The following KLHL1 variants were observed in gnomAD, a reference collection of about 807,000 sequenced individuals.
KLHL1 encodes the protein kelch like family member 1, also known as kelch-like protein 1.
Under a neutral mutation model 77.7 loss-of-function variants are expected in KLHL1, and 47 were observed. The observed-to-expected ratio is 0.60, with a 90% CI of 0.48 to 0.77. KLHL1 has a LOEUF of 0.77. Among genes scored for constraint, KLHL1 ranks in the 30% least tolerant of loss-of-function variants. The pLI is 0.00. For missense variants in KLHL1, 925 were observed against 910.8 expected (o/e 1.02, Z -0.20); for synonymous variants, 360 against 325.2 (o/e 1.11, Z -1.15).
At chr13:69,938,683 C>A (rs1883257430) in intron 4 of KLHL1, among the ~76,000 whole-genome samples, 1 of 151,974 alleles carries the variant, frequency 6.6e-6, no homozygotes, top group Non-Finnish European at 1.5e-5. Flanking sequence ...TATTTGTTTA[C>A]TTTGATTTGC....
intron 4 of KLHL1, among the ~76,000 whole-genome samples, chr13:69,899,065 G>A (rs76669614): frequency 0.011 from 1,636 of 150,830 alleles, 24 homozygotes; most frequent in African/African-American, 0.038. Flanking sequence ...TCTAGAGTTA[G>A]CTAGAAGAAA....
intron 1 of KLHL1, among the ~76,000 whole-genome samples, chr13:70,047,421 A>G (rs992357479): frequency 7.7e-6 from 1 of 129,926 alleles, no homozygotes; most frequent in African/African-American, 3.2e-5. Context: ...GTGTGTGTGT[A>G]TAAATATAAA....
chr13:70,038,748 G>C (rs1401855348), intron 1 of KLHL1, among the ~76,000 whole-genome samples: 2 of 151,610 alleles, frequency 1.3e-5, no homozygotes, highest in Non-Finnish European at 2.9e-5. Flanking sequence ...CCACCACCAT[G>C]CCTGGCTAAT....
At chr13:69,721,096 T>TATATATATATATATATA (rs1593772228) in intron 8 of KLHL1, among the ~76,000 whole-genome samples, 3 of 76,234 alleles carry the variant, frequency 3.9e-5, no homozygotes, top group Non-Finnish European at 5.6e-5. Flanking sequence ...TGTACCTCCC[T>TATATATATATATATATA]TACAAGGAAT....
At position 69,998,626 on chromosome 13, in the gene KLHL1, C is replaced by T. The variant is rs144144141; in HGVS notation, c.498-22824G>A. 4.6e-5 allele frequency among the ~76,000 whole-genome samples: 7 copies of T among 152,150 alleles called. No individual in the cohort carries two copies. In the East Asian group the frequency reaches 1.2e-3, roughly 25 times the overall value. On this transcript the variant is annotated intron_variant, in intron 1 of 10. Coordinates refer to ENST00000377844, the MANE Select transcript of KLHL1 (RefSeq NM_020866.3). ...CCTGTTTCATCACTTCTACCTCAAT[C>T]AATAACTAGGACCTTAATTAGTTTG... is the stretch of plus-strand genomic sequence containing the variant.
chr13:69,943,814 A>T (rs180844019), intron 3 of KLHL1, among the ~76,000 whole-genome samples: 1 of 152,182 alleles, frequency 6.6e-6, no homozygotes, highest in Non-Finnish European at 1.5e-5. Flanking sequence ...TTTTACCTAA[A>T]TTGTTCAGTA....
chr13:69,901,344 A>T (rs1198400856), intron 4 of KLHL1, among the ~76,000 whole-genome samples: 1 of 152,214 alleles, frequency 6.6e-6, no homozygotes, highest in Non-Finnish European at 1.5e-5. Flanking sequence ...TCACCTTTAC[A>T]CTTAACTTTG....
chr13:69,841,960 T>C (rs1023969866), intron 5 of KLHL1, among the ~76,000 whole-genome samples: 1 of 151,900 alleles, frequency 6.6e-6, no homozygotes, highest in African/African-American at 2.4e-5. Flanking sequence ...CTTCAATAAA[T>C]GGTGCTGGGA....
chr13:69,938,578 T>C (rs1167177304), intron 4 of KLHL1, among the ~76,000 whole-genome samples: 1 of 152,082 alleles, frequency 6.6e-6, no homozygotes, highest in Non-Finnish European at 1.5e-5. Context: ...GAGGCATATT[T>C]TTCTTTGGCT....
At chr13:69,809,698 T>A (rs1023068617) in intron 6 of KLHL1, among the ~76,000 whole-genome samples, 3 of 151,718 alleles carry the variant, frequency 2.0e-5, no homozygotes, top group Non-Finnish European at 4.4e-5. Context: ...AATATCAATA[T>A]CAACATTGAA....
intron 1 of KLHL1, among the ~76,000 whole-genome samples, chr13:70,097,597 T>C (rs1056135955): frequency 1.3e-5 from 2 of 152,052 alleles, no homozygotes; most frequent in Non-Finnish European, 2.9e-5. Flanking sequence ...GTAGAATCTA[T>C]ACTTTCTTGA....
chr13:70,102,396 G>T (rs1887942456), intron 1 of KLHL1, among the ~76,000 whole-genome samples: 1 of 152,040 alleles, frequency 6.6e-6, no homozygotes, highest in South Asian at 2.1e-4. Flanking sequence ...AAATAATAAG[G>T]TGTTTTCTAA....
intron 5 of KLHL1, among the ~76,000 whole-genome samples, chr13:69,881,965 T>A (rs569214134): frequency 6.6e-6 from 1 of 152,258 alleles, no homozygotes; most frequent in Non-Finnish European, 1.5e-5. Context: ...TTTACATATA[T>A]ATTATCTAAT....
chr13:69,727,724 C>T (rs1307999024), intron 8 of KLHL1, among the ~76,000 whole-genome samples: 5 of 152,052 alleles, frequency 3.3e-5, no homozygotes, highest in African/African-American at 1.2e-4. Flanking sequence ...CAACAATTGG[C>T]ATATATCTTA....
At chr13:70,107,063 G>A in intron 1 of KLHL1, 140 bp downstream of exon 1, 1 of 1,244,536 alleles carries the variant, frequency 8.0e-7, no homozygotes. Context: ...ATTAGAACTT[G>A]AGTAATCAAA....
intron 1 of KLHL1, among the ~76,000 whole-genome samples, chr13:69,987,444 A>T (rs1368053292): frequency 6.6e-6 from 1 of 152,110 alleles, no homozygotes; most frequent in Non-Finnish European, 1.5e-5. Context: ...TCAGCTATTC[A>T]ATAAAAATCA....
intron 1 of KLHL1, among the ~76,000 whole-genome samples, chr13:69,990,021 T>G (rs1369617660): frequency 6.6e-6 from 1 of 151,922 alleles, no homozygotes; most frequent in African/African-American, 2.4e-5. Context: ...GAGGCCTATA[T>G]TCAACATTCT....
intron 7 of KLHL1, among the ~76,000 whole-genome samples, chr13:69,742,237 G>A (rs1331647856): frequency 2.6e-5 from 4 of 152,222 alleles, no homozygotes; most frequent in Middle Eastern, 6.8e-3. Flanking sequence ...CCCATTGCTC[G>A]GGAAGGAGAT....
At chr13:69,701,862 G>T in intron 10 of KLHL1, 101 bp from the exon 11 acceptor site, 2 of 857,104 alleles carry the variant, frequency 2.3e-6, no homozygotes, top group Non-Finnish European at 3.5e-6. Flanking sequence ...AAATAAATGT[G>T]CTTGTTTTCC....
Sources: gnomAD v4.1 joint callset for allele counts (sites outside exome capture counted in the v4.1 genomes callset) on GRCh38, gnomAD v4.1.1 for gene constraint, MANE v1.5 for transcripts, NCBI Gene and HGNC (gene_info 2026-07-23, HGNC 2026-07-21) for gene names.